OSBP2: variants seen among roughly 807,000 people sequenced by gnomAD.
OSBP2 encodes oxysterol binding protein 2.
A neutral mutation model predicts 96.0 loss-of-function variants in OSBP2; 66 were observed. That is an observed-to-expected ratio of 0.69 (90% CI 0.56 to 0.84). OSBP2 has a LOEUF of 0.84. Ranked by LOEUF, OSBP2 falls within the 40% of genes least tolerant of loss-of-function variation. The pLI is 0.00. For missense variants in OSBP2, 1,038 were observed against 1,222.7 expected, an observed-to-expected ratio of 0.85 and a Z score of 2.25; for synonymous variants, 525 against 520.9, an observed-to-expected ratio of 1.01 and a Z score of -0.11.
intron 2 of OSBP2, among the ~76,000 whole-genome samples, chr22:30,770,928 G>T (rs2090339025): frequency 6.6e-6 from 1 of 152,204 alleles, no homozygotes; most frequent in South Asian, 2.1e-4. Flanking sequence ...ATCCAGCATG[G>T]TCATTGCGGC....
intron 2 of OSBP2, among the ~76,000 whole-genome samples, chr22:30,811,908 G>A (rs2145858982): frequency 6.6e-6 from 1 of 151,326 alleles, no homozygotes; most frequent in Admixed American, 6.6e-5. Flanking sequence ...CCATGTTGGA[G>A]TGCAGTGGTG....
At chr22:30,798,430 G>A (rs560903868) in intron 2 of OSBP2, among the ~76,000 whole-genome samples, 102 of 152,154 alleles carry the variant, frequency 6.7e-4, no homozygotes, top group African/African-American at 2.3e-3. Context: ...TAATTTTCAC[G>A]AAGTCCATTT....
chr22:30,797,528 C>T (rs1265058369), intron 2 of OSBP2, among the ~76,000 whole-genome samples: 1 of 152,000 alleles, frequency 6.6e-6, no homozygotes, highest in Non-Finnish European at 1.5e-5. Context: ...GCGATCAGCC[C>T]ACCTCGGCCT....
intron 1 of OSBP2, among the ~76,000 whole-genome samples, chr22:30,732,953 G>A (rs1284063535): frequency 3.9e-5 from 6 of 152,196 alleles, no homozygotes; most frequent in East Asian, 1.9e-4. Flanking sequence ...AGGCTGTATC[G>A]AATGGAAGTC....
chr22:30,797,603 ATT>A (rs777613052), intron 2 of OSBP2, among the ~76,000 whole-genome samples: 39 of 111,744 alleles, frequency 3.5e-4, no homozygotes, highest in African/African-American at 1.2e-3. Context: ...TATTTAACTA[ATT>A]TTTTTTTTTT....
At chr22:30,778,212 T>A (rs1318524700) in intron 2 of OSBP2, among the ~76,000 whole-genome samples, 4 of 136,412 alleles carry the variant, frequency 2.9e-5, no homozygotes, top group Non-Finnish European at 6.3e-5. Flanking sequence ...GGTTTCAACA[T>A]GTTGGCCAGG....
rs1416923492 is a variant in OSBP2, at chr22:30,887,595, A to T, written c.1277A>T (p.Asn426Ile). Residue 426 changes from asparagine (N) to isoleucine (I), a missense_variant, in exon 4 of 14, where the codon AAC becomes ATC. By Grantham distance (149) the Asn-to-Ile change is moderately radical. This residue lies in a region of OSBP2 where 737 missense variants were observed against 913.3 expected (regional missense o/e 0.81). Transcript: ENST00000332585. ...CACAGTGCCCCTGGCCGGCCGGCCA[A>T]CCCCTCCAAGAGCTTCATTGAGGGT... is the stretch of plus-strand genomic sequence containing the variant. The part of the protein sequence containing the change: ...AFHSAPGRPA[N>I]PSKSFIEGSL... The T allele has an allele frequency of 3.1e-6, 5 of 1,606,730 alleles. No homozygotes were observed. The highest frequency in any genetic ancestry group is 4.2e-6 in the Non-Finnish European group (5 of 1,177,240).
At chr22:30,739,390 A>C (rs998139954) in intron 1 of OSBP2, among the ~76,000 whole-genome samples, 11 of 152,180 alleles carry the variant, frequency 7.2e-5, no homozygotes, top group Non-Finnish European at 1.6e-4. Context: ...CCAGCAGGAG[A>C]TGCCTCTACG....
chr22:30,842,013 A>G (rs2038762552), intron 2 of OSBP2, among the ~76,000 whole-genome samples: 1 of 151,904 alleles, frequency 6.6e-6, no homozygotes, highest in Admixed American at 6.6e-5. Context: ...TGGAGAGGTC[A>G]CAGCTCACTG....
At chr22:30,725,341 C>G (rs1399987247) in intron 1 of OSBP2, among the ~76,000 whole-genome samples, 1 of 151,844 alleles carries the variant, frequency 6.6e-6, no homozygotes, top group African/African-American at 2.4e-5. Flanking sequence ...AACCCTGTCT[C>G]TACTAAAAAT....
chr22:30,701,422 C>T (rs2089160804), intron 1 of OSBP2, among the ~76,000 whole-genome samples: 1 of 148,320 alleles, frequency 6.7e-6, no homozygotes, highest in African/African-American at 2.5e-5. Flanking sequence ...CGACTCACTG[C>T]AAGCTCCGCC....
intron 12 of OSBP2, among the ~76,000 whole-genome samples, chr22:30,899,243 G>A (rs1006458319): frequency 3.9e-4 from 60 of 151,904 alleles, no homozygotes; most frequent in African/African-American, 1.4e-3. Context: ...AATTAGCCAT[G>A]TGTAGTCCCA....
At chr22:30,698,228 A>C (rs1015311994) in intron 1 of OSBP2, among the ~76,000 whole-genome samples, 2 of 152,016 alleles carry the variant, frequency 1.3e-5, no homozygotes, top group Non-Finnish European at 2.9e-5. Context: ...CAGGTGGCCA[A>C]ATGGGTGTGG....
At chr22:30,825,046 A>G (rs2038368732) in intron 2 of OSBP2, among the ~76,000 whole-genome samples, 1 of 152,072 alleles carries the variant, frequency 6.6e-6, no homozygotes, top group Non-Finnish European at 1.5e-5. Context: ...TTCCAGAAGA[A>G]CAGATCCCCA....
At chr22:30,805,423 C>T (rs577031901) in intron 2 of OSBP2, among the ~76,000 whole-genome samples, 1 of 152,316 alleles carries the variant, frequency 6.6e-6, no homozygotes, top group East Asian at 1.9e-4. Context: ...AGAGATCCAG[C>T]TTTGCAGATT....
intron 1 of OSBP2, among the ~76,000 whole-genome samples, chr22:30,698,401 T>C (rs112890161): frequency 0.034 from 5,208 of 152,050 alleles, 108 homozygotes; most frequent in African/African-American, 0.059. Context: ...TGCTGGCTTC[T>C]CTTTTGGAAA....
intron 12 of OSBP2, among the ~76,000 whole-genome samples, chr22:30,904,956 C>G (rs1390205738): frequency 6.6e-6 from 1 of 151,924 alleles, no homozygotes; most frequent in Non-Finnish European, 1.5e-5. Flanking sequence ...GCCAACATGA[C>G]AAAACCCCAT....
chr22:30,764,293 TGAG>T lies in OSBP2; in HGVS notation c.853+22929_853+22931del. On this transcript the variant is annotated intron_variant, in intron 2 of 13. Coordinates refer to ENST00000332585, the MANE Select transcript of OSBP2 (RefSeq NM_030758.4). ...GGCAGTAGAGTGGGGTGGGCGGGGA[TGAG>T]GAGGGGGTTGGGTGGCTGGTGGCCC... 4.1e-6 allele frequency: 4 copies of T among 983,120 alleles called. No individual in the cohort carries two copies. In the African/African-American group the frequency reaches 7.0e-5, roughly 17 times the overall value. 60.9% of individuals were successfully genotyped at this position (983,120 alleles called of 1,614,324 possible).
intron 2 of OSBP2, among the ~76,000 whole-genome samples, chr22:30,754,842 C>T (rs1273612426): frequency 6.6e-6 from 1 of 152,202 alleles, no homozygotes; most frequent in Admixed American, 6.5e-5. Context: ...GTCATTGCCT[C>T]TTGGGGCTGC....
Sources: gnomAD v4.1 joint callset for allele counts (sites outside exome capture counted in the v4.1 genomes callset) on GRCh38, gnomAD v4.1.1 for gene constraint, gnomAD v4.1.1 regional missense constraint, MANE v1.5 for transcripts, NCBI Gene and HGNC (gene_info 2026-07-23, HGNC 2026-07-21) for gene names.